The following TBX15 variants were observed in gnomAD, a reference collection of about 807,000 sequenced individuals.
TBX15 encodes the protein T-box transcription factor TBX15.
In TBX15, 18 loss-of-function variants were observed where a neutral mutation model predicts 53.9. That is an observed-to-expected ratio of 0.33 (90% CI 0.23 to 0.49). The LOEUF (loss-of-function observed/expected upper bound fraction) is 0.49, where lower values mean the gene tolerates loss of function less well. Ranked by LOEUF, TBX15 falls within the 20% of genes least tolerant of loss-of-function variation. TBX15 has a pLI of 0.98. For missense variants in TBX15, 692 were observed against 749.5 expected, an observed-to-expected ratio of 0.92 and a Z score of 0.90; for synonymous variants, 295 against 278.0, an observed-to-expected ratio of 1.06 and a Z score of -0.61.
At chr1:118,919,058 C>T (rs1655338956) in intron 5 of TBX15, among the ~76,000 whole-genome samples, 1 of 152,132 alleles carries the variant, frequency 6.6e-6, no homozygotes, top group Non-Finnish European at 1.5e-5. Flanking sequence ...CTCAGAAATC[C>T]TATTGGATTT....
At chr1:118,887,239 TC>T (rs1179086147) in intron 7 of TBX15, among the ~76,000 whole-genome samples, 1 of 152,208 alleles carries the variant, frequency 6.6e-6, no homozygotes, top group Non-Finnish European at 1.5e-5. Context: ...GAGCTGTGAT[TC>T]CCCCAAGGAA....
chr1:118,915,084 T>C (rs984750658), intron 5 of TBX15, among the ~76,000 whole-genome samples: 9 of 152,208 alleles, frequency 5.9e-5, no homozygotes, highest in African/African-American at 2.2e-4. Flanking sequence ...ATATGTCACA[T>C]GCACTCTAGT....
At chr1:118,899,278 G>A (rs561753900) in intron 6 of TBX15, 153 bp from the exon 7 acceptor site, 9 of 728,970 alleles carry the variant, frequency 1.2e-5, no homozygotes, top group South Asian at 6.0e-5. Flanking sequence ...AAAACTCAAG[G>A]TACAATGATG....
chr1:118,886,072 T>C (rs552944148), intron 7 of TBX15, among the ~76,000 whole-genome samples: 97 of 152,246 alleles, frequency 6.4e-4, no homozygotes, highest in Non-Finnish European at 6.2e-4. Flanking sequence ...AAGTCAAAAT[T>C]GAGGCCTGGG....
intron 6 of TBX15, among the ~76,000 whole-genome samples, chr1:118,912,637 T>C (rs1259381284): frequency 6.6e-6 from 1 of 151,994 alleles, no homozygotes; most frequent in Non-Finnish European, 1.5e-5. Flanking sequence ...AAAAAGGCAA[T>C]AGGAAATGGC....
chr1:118,942,074 A>G (rs1162206929), intron 1 of TBX15, among the ~76,000 whole-genome samples: 4 of 152,244 alleles, frequency 2.6e-5, no homozygotes, highest in Non-Finnish European at 5.9e-5. Flanking sequence ...AGAAATGGCA[A>G]CAAAATCCTA....
chr1:118,928,402 G>A (rs1333395775), intron 2 of TBX15, among the ~76,000 whole-genome samples: 2 of 152,006 alleles, frequency 1.3e-5, no homozygotes, highest in Non-Finnish European at 2.9e-5. Context: ...CTTATGGTGG[G>A]CTAATGAAAT....
intron 1 of TBX15, among the ~76,000 whole-genome samples, chr1:118,977,188 A>G (rs985274730): frequency 3.3e-5 from 5 of 152,232 alleles, no homozygotes; most frequent in Non-Finnish European, 7.3e-5. Context: ...GCTCTTAACC[A>G]CTACACTGTA....
At chr1:118,979,328 T>C (rs73009559) in intron 1 of TBX15, among the ~76,000 whole-genome samples, 2,087 of 152,204 alleles carry the variant, frequency 0.014, 47 homozygotes, top group African/African-American at 0.047. Flanking sequence ...TCAGCGTCCC[T>C]GCCTCTTAGG....
intron 6 of TBX15, among the ~76,000 whole-genome samples, chr1:118,906,156 C>T (rs1654817158): frequency 6.6e-6 from 1 of 152,098 alleles, no homozygotes; most frequent in Non-Finnish European, 1.5e-5. Context: ...ATTTGAATGG[C>T]TAACAATAAA....
At chr1:118,950,036 A>C (rs1656466248) in intron 1 of TBX15, among the ~76,000 whole-genome samples, 1 of 152,202 alleles carries the variant, frequency 6.6e-6, no homozygotes, top group South Asian at 2.1e-4. Flanking sequence ...ATCTCCTACT[A>C]TCTGGCTTGA....
At chr1:118,893,238 A>AAAAG (rs1023923881) in intron 7 of TBX15, among the ~76,000 whole-genome samples, 1 of 146,944 alleles carries the variant, frequency 6.8e-6, no homozygotes. Flanking sequence ...AACTCTGTTG[A>AAAAG]AAAGAAAGAA....
At chr1:118,892,755 A>G (rs1654191170) in intron 7 of TBX15, among the ~76,000 whole-genome samples, 1 of 152,216 alleles carries the variant, frequency 6.6e-6, no homozygotes, top group Non-Finnish European at 1.5e-5. Context: ...AAGACTTAAC[A>G]TTACCCACGA....
At chr1:118,901,123 G>A (rs1010210734) in intron 6 of TBX15, among the ~76,000 whole-genome samples, 7 of 152,108 alleles carry the variant, frequency 4.6e-5, no homozygotes, top group Non-Finnish European at 1.0e-4. Flanking sequence ...TTCTATCCTA[G>A]TTCATTTTGT....
At chr1:118,925,437 A>T (rs185418804) in intron 3 of TBX15, among the ~76,000 whole-genome samples, 1 of 152,328 alleles carries the variant, frequency 6.6e-6, no homozygotes, top group Admixed American at 6.5e-5. Context: ...CTCCCAGTTC[A>T]CATTGCCTTT....
chr1:118,915,516 C>T (rs1766790), intron 5 of TBX15, among the ~76,000 whole-genome samples: 26,235 of 152,140 alleles, frequency 0.17, 2,495 homozygotes, highest in Middle Eastern at 0.32. Flanking sequence ...TATGCAGCAC[C>T]AACAATGTAG....
intron 1 of TBX15, among the ~76,000 whole-genome samples, chr1:118,972,969 C>T (rs1657284917): frequency 6.6e-6 from 1 of 152,068 alleles, no homozygotes; most frequent in African/African-American, 2.4e-5. Context: ...TAATTATGAG[C>T]AAGGTAGACA....
intron 7 of TBX15, among the ~76,000 whole-genome samples, chr1:118,898,029 G>A (rs1444460911): frequency 6.6e-6 from 1 of 152,162 alleles, no homozygotes; most frequent in East Asian, 1.9e-4. Context: ...TGTATTAAAT[G>A]CTTACTATGA....
At chr1:118,899,202 G>T in intron 6 of TBX15, 77 bp from the exon 7 acceptor site, 1 of 1,320,554 alleles carries the variant, frequency 7.6e-7, no homozygotes, top group Non-Finnish European at 1.1e-6. Context: ...ATCCAGAGGT[G>T]GACTGTCAAA....
Sources: allele counts gnomAD v4.1 joint callset (sites outside exome capture counted in the v4.1 genomes callset), GRCh38; gene constraint gnomAD v4.1.1; transcripts MANE v1.5; gene names NCBI Gene and HGNC (gene_info 2026-07-23, HGNC 2026-07-21).